The following PARD3 variants were observed in gnomAD, a reference collection of about 807,000 sequenced individuals.
PARD3 encodes par-3 family cell polarity regulator.
A neutral mutation model predicts 155.4 loss-of-function variants in PARD3; 75 were observed. That is an observed-to-expected ratio of 0.48 (90% CI 0.40 to 0.58). PARD3 has a LOEUF of 0.58. PARD3 is among the 20% of genes least tolerant of loss of function. The pLI is 0.00. For missense variants in PARD3, 1,642 were observed against 1,721.7 expected, an observed-to-expected ratio of 0.95 and a Z score of 0.82; for synonymous variants, 576 against 610.5, an observed-to-expected ratio of 0.94 and a Z score of 0.83.
intron 7 of PARD3, among the ~76,000 whole-genome samples, chr10:34,398,989 C>T (rs1050935830): frequency 1.3e-5 from 2 of 152,114 alleles, no homozygotes; most frequent in African/African-American, 2.4e-5. Context: ...AAAAAAAGTG[C>T]TTTTAAGCTC....
intron 2 of PARD3, among the ~76,000 whole-genome samples, chr10:34,626,206 C>A (rs972829096): frequency 1.3e-5 from 2 of 152,164 alleles, no homozygotes; most frequent in Non-Finnish European, 2.9e-5. Flanking sequence ...CCCTGGACAG[C>A]CAGGAGTTGG....
intron 1 of PARD3, among the ~76,000 whole-genome samples, chr10:34,748,289 GC>G (rs2133930769): frequency 6.6e-6 from 1 of 152,092 alleles, no homozygotes; most frequent in South Asian, 2.1e-4. Context: ...GTCCAACACG[GC>G]AAAACCCTGT....
intron 1 of PARD3, among the ~76,000 whole-genome samples, chr10:34,733,441 T>A (rs934797346): frequency 6.6e-6 from 1 of 152,120 alleles, no homozygotes; most frequent in Admixed American, 6.5e-5. Flanking sequence ...AAAAGAAAAA[T>A]TATTCAGCTT....
intron 2 of PARD3, among the ~76,000 whole-genome samples, chr10:34,532,392 C>T (rs2082920544): frequency 6.6e-6 from 1 of 152,076 alleles, no homozygotes; most frequent in South Asian, 2.1e-4. Flanking sequence ...GTCAACTATA[C>T]TTTTTAACTA....
chr10:34,517,222 G>A lies in PARD3; in HGVS notation c.223-63C>T, dbSNP rs964701823. The stretch of plus-strand genomic sequence containing the variant: ...GCACTTAATTAACTACCAAAATTTT[G>A]TACTATTTTGACATAATTCTACAGT... On this transcript the variant is annotated intron_variant, in intron 2 of 24. Transcript: ENST00000374788. The A allele has an allele frequency of 2.0e-5, 29 of 1,471,562 alleles. No homozygotes were observed. The African/African-American group carries it at 3.3e-4, about 17-fold the overall frequency. 91.2% of individuals were successfully genotyped at this position (1,471,562 alleles called of 1,614,324 possible).
chr10:34,800,191 T>TA (rs1273246821), intron 1 of PARD3, among the ~76,000 whole-genome samples: 2 of 151,908 alleles, frequency 1.3e-5, no homozygotes, highest in African/African-American at 4.8e-5. Flanking sequence ...TACTCATCTG[T>TA]AAACTCTGGA....
intron 1 of PARD3, among the ~76,000 whole-genome samples, chr10:34,731,425 G>C (rs2094815045): frequency 1.3e-5 from 2 of 152,184 alleles, no homozygotes; most frequent in Non-Finnish European, 2.9e-5. Flanking sequence ...CTCTAGCGCT[G>C]ACTAGACAAA....
intron 22 of PARD3, among the ~76,000 whole-genome samples, chr10:34,161,588 C>G (rs1949283252): frequency 6.6e-6 from 1 of 152,132 alleles, no homozygotes; most frequent in South Asian, 2.1e-4. Flanking sequence ...TCATTATAAT[C>G]TAATTTCCAT....
intron 2 of PARD3, among the ~76,000 whole-genome samples, chr10:34,583,056 T>A (rs2087645157): frequency 6.6e-6 from 1 of 152,154 alleles, no homozygotes; most frequent in African/African-American, 2.4e-5. Flanking sequence ...TTCTTTCACA[T>A]AAGAGAGAAA....
At chr10:34,402,596 A>C (rs1844011495) in intron 5 of PARD3, among the ~76,000 whole-genome samples, 1 of 152,186 alleles carries the variant, frequency 6.6e-6, no homozygotes, top group South Asian at 2.1e-4. Context: ...TGAAGGACCA[A>C]ACAAAAGGAC....
At chr10:34,193,273 A>G (rs1228193900) in intron 22 of PARD3, among the ~76,000 whole-genome samples, 2 of 152,226 alleles carry the variant, frequency 1.3e-5, no homozygotes, top group Non-Finnish European at 2.9e-5. Context: ...GAAATGTTGA[A>G]AAACCTAGAA....
At chr10:34,502,556 C>T (rs936161444) in intron 3 of PARD3, among the ~76,000 whole-genome samples, 3 of 152,126 alleles carry the variant, frequency 2.0e-5, no homozygotes, top group African/African-American at 7.2e-5. Context: ...TAGACTAGTA[C>T]TAATTGTGTG....
intron 1 of PARD3, among the ~76,000 whole-genome samples, chr10:34,699,209 T>C (rs1165067328): frequency 6.6e-6 from 1 of 152,108 alleles, no homozygotes; most frequent in Non-Finnish European, 1.5e-5. Flanking sequence ...CCAAGGCAAA[T>C]ATCAGGCTGC....
intron 14 of PARD3, among the ~76,000 whole-genome samples, chr10:34,358,602 A>C (rs56393945): frequency 0.094 from 14,258 of 152,214 alleles, 1,232 homozygotes; most frequent in African/African-American, 0.23. Flanking sequence ...CTGAGGCAGG[A>C]GAATCCCTTG....
At chr10:34,619,899 T>G (rs1455427395) in intron 2 of PARD3, among the ~76,000 whole-genome samples, 1 of 152,118 alleles carries the variant, frequency 6.6e-6, no homozygotes, top group Non-Finnish European at 1.5e-5. Context: ...TTGTATAAAA[T>G]AAGCTTACCT....
At chr10:34,236,528 T>C (rs2804540) in intron 22 of PARD3, among the ~76,000 whole-genome samples, 5,242 of 152,294 alleles carry the variant, frequency 0.034, 139 homozygotes, top group Non-Finnish European at 0.051. Context: ...TTCTTTTCCT[T>C]TTAGCAAGGT....
At chr10:34,642,025 T>C (rs183084478) in intron 2 of PARD3, among the ~76,000 whole-genome samples, 6 of 152,176 alleles carry the variant, frequency 3.9e-5, no homozygotes, top group Admixed American at 1.3e-4. Context: ...ACTGGGACAC[T>C]GCCCAGAGCC....
intron 2 of PARD3, among the ~76,000 whole-genome samples, chr10:34,623,145 G>A (rs1402479222): frequency 1.3e-5 from 2 of 152,114 alleles, no homozygotes; most frequent in African/African-American, 4.8e-5. Context: ...AAAAGCATAT[G>A]GGAATATAAG....
rs113690420 is a variant in PARD3 at position 34,136,784 on chromosome 10, C to A, written c.3420-5201G>T. Among the ~76,000 whole-genome samples the A allele has an allele frequency of 6.4e-3, 976 of 152,314 alleles. 7 individuals are homozygous for A. The highest frequency in any genetic ancestry group is 0.01 in the Non-Finnish European group (708 of 68,030). On this transcript the variant is annotated intron_variant, in intron 22 of 24. Transcript: ENST00000374788. ...AAGACATCAATCCACTTCCTTGCAG[C>A]CTTTCCTCACTACTCCAGCCCATGT... is the stretch of plus-strand genomic sequence containing the variant.
Sources: allele counts gnomAD v4.1 joint callset (sites outside exome capture counted in the v4.1 genomes callset), GRCh38; gene constraint gnomAD v4.1.1; transcripts MANE v1.5; gene names NCBI Gene and HGNC (gene_info 2026-07-23, HGNC 2026-07-21).